The following SH3PXD2B variants were observed in gnomAD, a reference collection of about 807,000 sequenced individuals.
SH3PXD2B encodes the protein SH3 and PX domains 2B.
SH3PXD2B carries 37 observed loss-of-function variants against 73.1 expected under a neutral mutation model. The ratio of observed to expected loss-of-function variants is 0.51; its 90% CI spans 0.39 to 0.67. The LOEUF is 0.67. SH3PXD2B is among the 30% of genes least tolerant of loss of function. The pLI, the probability that SH3PXD2B is intolerant of heterozygous loss-of-function variation, is 0.00. For synonymous variants in SH3PXD2B, 457 were observed against 480.5 expected, an observed-to-expected ratio of 0.95 and a Z score of 0.64; for missense variants, 1,053 against 1,197.8, an observed-to-expected ratio of 0.88 and a Z score of 1.78.
chr5:172,441,068 T>C (rs1759541838), intron 1 of SH3PXD2B, among the ~76,000 whole-genome samples: 1 of 152,194 alleles, frequency 6.6e-6, no homozygotes. Context: ...GCCATTTTTA[T>C]AGGTTAAATA....
chr5:172,407,712 C>T lies in SH3PXD2B; in HGVS notation c.157-1360G>A, dbSNP rs192044980. 2.0e-5 allele frequency among the ~76,000 whole-genome samples: 3 copies of T among 152,310 alleles called. No individual in the cohort carries two copies. In the East Asian group the frequency reaches 5.8e-4, roughly 29 times the overall value. ...AACTTTGAAAAGTCCAGGAGAAATACACCAGCTATTGTGTAGGCATTTGGG... is the reference window on the plus strand; with the variant it reads ...AACTTTGAAAAGTCCAGGAGAAATATACCAGCTATTGTGTAGGCATTTGGG... On this transcript the variant is annotated intron_variant, in intron 2 of 12. Transcript: ENST00000311601.
chr5:172,447,450 C>T (rs1043761699), intron 1 of SH3PXD2B, among the ~76,000 whole-genome samples: 1 of 152,194 alleles, frequency 6.6e-6, no homozygotes, highest in Admixed American at 6.5e-5. Context: ...TAGTTACCAA[C>T]CTTTTATGAT....
chr5:172,394,826 C>T (rs187224895), intron 3 of SH3PXD2B, among the ~76,000 whole-genome samples, 187 bp from the exon 4 acceptor site: 3 of 152,278 alleles, frequency 2.0e-5, no homozygotes, highest in African/African-American at 7.2e-5. Context: ...TCCCCCTAAA[C>T]CCTGTTCACA....
intron 1 of SH3PXD2B, among the ~76,000 whole-genome samples, chr5:172,432,481 A>C (rs897330955): frequency 6.6e-6 from 1 of 152,172 alleles, no homozygotes; most frequent in African/African-American, 2.4e-5. Context: ...TCAGCTGGGA[A>C]CGTGCACGTT....
intron 9 of SH3PXD2B, among the ~76,000 whole-genome samples, chr5:172,351,978 A>AGT (rs1303422959): frequency 6.6e-6 from 1 of 152,144 alleles, no homozygotes; most frequent in African/African-American, 2.4e-5. Context: ...GGCGATGTGC[A>AGT]GTGCTGACTG....
intron 12 of SH3PXD2B, among the ~76,000 whole-genome samples, chr5:172,341,292 T>C (rs1756843372): frequency 1.3e-5 from 2 of 152,194 alleles, no homozygotes; most frequent in East Asian, 3.9e-4. Context: ...AGTTTGGATG[T>C]ATGTCCCCAC....
At chr5:172,401,463 T>C (rs1248929545) in intron 3 of SH3PXD2B, among the ~76,000 whole-genome samples, 4 of 152,202 alleles carry the variant, frequency 2.6e-5, no homozygotes, top group Non-Finnish European at 5.9e-5. Context: ...GGCTCCACTG[T>C]AGTAAATCTT....
In SH3PXD2B at chr5:172,336,924, A is replaced by C; in HGVS notation, c.*1445T>G. ...TTTGGCAGTGCGTGAAAAAAGAAAA[A>C]AACATTACAAATGCCGGAGAGGCAC... On this transcript the variant is annotated 3_prime_UTR_variant, in exon 13 of 13. Transcript: ENST00000311601. 3 of 985,484 alleles carry C rather than the reference A, an allele frequency of 3.0e-6. No individual in the cohort carries two copies. Among genetic ancestry groups the C allele is most frequent in the African/African-American group, 1.7e-5 (1 of 57,328 alleles). The allele number at this position is 985,484 out of a possible 1,614,324, so 61.0% of individuals were successfully genotyped here.
At chr5:172,452,563 C>T (rs1268962634) in intron 1 of SH3PXD2B, among the ~76,000 whole-genome samples, 1 of 152,164 alleles carries the variant, frequency 6.6e-6, no homozygotes, top group East Asian at 1.9e-4. Context: ...GCCCTGGTTT[C>T]CTCATCTGTC....
chr5:172,351,116 T>C (rs900813431), intron 9 of SH3PXD2B, among the ~76,000 whole-genome samples: 21 of 152,164 alleles, frequency 1.4e-4, no homozygotes, highest in African/African-American at 5.1e-4. Context: ...AGTGTCATCA[T>C]CTCTTAATCC....
At chr5:172,388,182 T>C (rs1758097891) in intron 4 of SH3PXD2B, among the ~76,000 whole-genome samples, 1 of 152,232 alleles carries the variant, frequency 6.6e-6, no homozygotes, top group Non-Finnish European at 1.5e-5. Flanking sequence ...ATAGGTCTGG[T>C]AGAGCAGAAA....
At chr5:172,327,532 AT>A (rs1756468001) in intron 12 of SH3PXD2B, among the ~76,000 whole-genome samples, 1 of 152,194 alleles carries the variant, frequency 6.6e-6, no homozygotes, top group Non-Finnish European at 1.5e-5. Context: ...AATTTTGCAT[AT>A]GTATTTTATT....
At chr5:172,329,540 C>CTTTTTTTTTTTTTTT (rs370876232), downstream of SH3PXD2B, among the ~76,000 whole-genome samples, 7 of 106,458 alleles carry the variant, frequency 6.6e-5, no homozygotes, top group South Asian at 3.3e-4. Flanking sequence ...CTTTGTTATT[C>CTTTTTTTTTTTTTTT]TTTTTTTTTT....
At chr5:172,366,601 T>C (rs1757532040) in intron 6 of SH3PXD2B, among the ~76,000 whole-genome samples, 1 of 152,264 alleles carries the variant, frequency 6.6e-6, no homozygotes, top group African/African-American at 2.4e-5. Context: ...GCCTTGACCC[T>C]GCAATTTATT....
At chr5:172,354,500 G>A (rs772929798) in intron 8 of SH3PXD2B, among the ~76,000 whole-genome samples, 1 of 152,168 alleles carries the variant, frequency 6.6e-6, no homozygotes, top group African/African-American at 2.4e-5. Context: ...CATGGTGCTT[G>A]GAATGTTTAG....
In SH3PXD2B at chr5:172,400,758, GT is replaced by G. The variant is rs1270973100; in HGVS notation, c.232+5518del. Among the ~76,000 whole-genome samples the G allele has an allele frequency of 3.3e-5, 5 of 152,288 alleles. No homozygotes were observed. In the East Asian group the frequency reaches 7.7e-4, roughly 23 times the overall value. ...CAAAATTTGGACGAACAATCAAACT[GT>G]CCAATGCATTAATTGTCATTTATAC... is the stretch of plus-strand genomic sequence containing the variant. On this transcript the variant is annotated intron_variant, in intron 3 of 12. Coordinates refer to ENST00000311601, the MANE Select transcript of SH3PXD2B (RefSeq NM_001017995.3).
At chr5:172,452,657 G>C (rs1037029870) in intron 1 of SH3PXD2B, among the ~76,000 whole-genome samples, 1 of 152,164 alleles carries the variant, frequency 6.6e-6, no homozygotes, top group African/African-American at 2.4e-5. Flanking sequence ...GCCGGGCCTC[G>C]GTGGCAGTAT....
chr5:172,389,294 T>A (rs1758125871), intron 4 of SH3PXD2B, among the ~76,000 whole-genome samples: 1 of 151,860 alleles, frequency 6.6e-6, no homozygotes, highest in African/African-American at 2.4e-5. Context: ...GACCTCGTGA[T>A]CTGCCTGCTT....
intron 2 of SH3PXD2B, among the ~76,000 whole-genome samples, chr5:172,409,239 G>A (rs1758632762): frequency 6.6e-6 from 1 of 151,986 alleles, no homozygotes; most frequent in African/African-American, 2.4e-5. Context: ...AAAATTAGCT[G>A]GGCGTGGTGG....
Sources: allele counts gnomAD v4.1 joint callset (sites outside exome capture counted in the v4.1 genomes callset), GRCh38; gene constraint gnomAD v4.1.1; transcripts MANE v1.5; gene names NCBI Gene and HGNC (gene_info 2026-07-23, HGNC 2026-07-21).